The following GALNT13 variants were observed in gnomAD, a reference collection of about 807,000 sequenced individuals.
The protein encoded by GALNT13 is polypeptide N-acetylgalactosaminyltransferase 13.
GALNT13 carries 28 observed loss-of-function variants against 64.2 expected under a neutral mutation model. The ratio of observed to expected loss-of-function variants is 0.44; its 90% CI spans 0.32 to 0.60. GALNT13 has a LOEUF of 0.60. Among genes scored for constraint, GALNT13 ranks in the 20% least tolerant of loss-of-function variants. GALNT13 has a pLI of 0.05. For synonymous variants in GALNT13, 214 were observed against 224.6 expected (o/e 0.95, Z 0.42); for missense variants, 577 against 669.8 (o/e 0.86, Z 1.53).
chr2:153,481,100 G>A, the GALNT13 span, among the ~76,000 whole-genome samples: 1 of 152,072 alleles, frequency 6.6e-6, no homozygotes, highest in Admixed American at 6.5e-5. Context: ...TTGTTGACAA[G>A]GTAATAGGTA....
chr2:153,672,990 C>G, the GALNT13 span, among the ~76,000 whole-genome samples: 1 of 152,104 alleles, frequency 6.6e-6, no homozygotes, highest in South Asian at 2.1e-4. Context: ...CACATACACC[C>G]TCTCAAGACT....
At chr2:153,972,972 C>A (rs1053407236) in intron 3 of GALNT13, among the ~76,000 whole-genome samples, 1 of 151,972 alleles carries the variant, frequency 6.6e-6, no homozygotes, top group Non-Finnish European at 1.5e-5. Context: ...TCTTAGAATT[C>A]ATGTAAGCTA....
At chr2:154,066,737 G>A (rs1323821188) in intron 3 of GALNT13, among the ~76,000 whole-genome samples, 2 of 152,084 alleles carry the variant, frequency 1.3e-5, no homozygotes, top group East Asian at 1.9e-4. Flanking sequence ...ACGAAAGGGA[G>A]TTATTTAATT....
chr2:153,814,731 A>G, the GALNT13 span, among the ~76,000 whole-genome samples: 3 of 152,306 alleles, frequency 2.0e-5, no homozygotes, highest in African/African-American at 7.2e-5. Context: ...TGTTTTCATT[A>G]TGATGCTCCC....
intron 3 of GALNT13, among the ~76,000 whole-genome samples, chr2:154,021,897 A>C (rs1422861632): frequency 6.6e-6 from 1 of 151,682 alleles, no homozygotes; most frequent in East Asian, 1.9e-4. Context: ...ATTTATTGAG[A>C]GTTTTTAGCA....
At chr2:153,087,676 A>G in the GALNT13 span, among the ~76,000 whole-genome samples, 1 of 151,768 alleles carries the variant, frequency 6.6e-6, no homozygotes, top group African/African-American at 2.4e-5. Flanking sequence ...CAGTGTTTTT[A>G]TTCCTTCCTG....
rs151325848 is a variant in GALNT13 at position 153,981,797 on chromosome 2, T to G, written c.142+37158T>G. On this transcript the variant is annotated intron_variant, in intron 3 of 12. Transcript: ENST00000392825. Reference sequence around the variant, plus strand: ...ATCTCCTTTGGCTTTCAGAATTTTTTCTAGCTCATGGTATACAGATCTGTT... The same window carrying G: ...ATCTCCTTTGGCTTTCAGAATTTTTGCTAGCTCATGGTATACAGATCTGTT... 1.1e-3 allele frequency among the ~76,000 whole-genome samples: 173 copies of G among 152,254 alleles called. 2 individuals carry two copies. The highest frequency in any genetic ancestry group is 1.9e-3 in the Non-Finnish European group (131 of 68,010).
chr2:154,048,195 A>G (rs368762542), intron 3 of GALNT13, among the ~76,000 whole-genome samples: 2 of 152,154 alleles, frequency 1.3e-5, no homozygotes, highest in South Asian at 2.1e-4. Flanking sequence ...TCTCATGCTA[A>G]CTCACTATCA....
the GALNT13 span, among the ~76,000 whole-genome samples, chr2:153,306,117 A>C: frequency 6.6e-6 from 1 of 152,132 alleles, no homozygotes; most frequent in Non-Finnish European, 1.5e-5. Flanking sequence ...TATGACCCAC[A>C]TGCTTTGAGA....
chr2:153,483,718 G>C, the GALNT13 span, among the ~76,000 whole-genome samples: 2 of 152,084 alleles, frequency 1.3e-5, no homozygotes, highest in Admixed American at 6.6e-5. Context: ...GCCCGGCCCT[G>C]CCCTGAAATT....
intron 3 of GALNT13, among the ~76,000 whole-genome samples, chr2:154,039,655 T>C (rs1308768272): frequency 7.2e-6 from 1 of 139,400 alleles, no homozygotes; most frequent in Admixed American, 7.2e-5. Context: ...ACCTAATGGA[T>C]GCAGAATTAC....
At chr2:153,398,568 A>T in the GALNT13 span, among the ~76,000 whole-genome samples, 69 of 152,060 alleles carry the variant, frequency 4.5e-4, 1 homozygote, top group African/African-American at 1.3e-3. Flanking sequence ...ATTTCTCCAC[A>T]TCCTCTCCAG....
At chr2:154,002,380 A>T (rs1366820529) in intron 3 of GALNT13, among the ~76,000 whole-genome samples, 6 of 150,594 alleles carry the variant, frequency 4.0e-5, no homozygotes, top group Non-Finnish European at 8.9e-5. Flanking sequence ...TTCTCATTGG[A>T]TAAATTTGTG....
At chr2:153,995,408 G>A (rs1226738521) in intron 3 of GALNT13, among the ~76,000 whole-genome samples, 1 of 152,030 alleles carries the variant, frequency 6.6e-6, no homozygotes, top group Non-Finnish European at 1.5e-5. Flanking sequence ...CCAAAGAAGG[G>A]TTGTATGTAA....
chr2:153,389,220 G>A, the GALNT13 span, among the ~76,000 whole-genome samples: 1 of 152,184 alleles, frequency 6.6e-6, no homozygotes, highest in Non-Finnish European at 1.5e-5. Flanking sequence ...TTTCAGCACA[G>A]CCAATTTGAG....
At chr2:153,534,444 G>C in the GALNT13 span, among the ~76,000 whole-genome samples, 3 of 151,884 alleles carry the variant, frequency 2.0e-5, no homozygotes, top group African/African-American at 7.3e-5. Flanking sequence ...GCTAGAGTGA[G>C]CTGGAATTGG....
intron 8 of GALNT13, chr2:154,287,307 C>T (rs1574021442): frequency 3.0e-6 from 2 of 661,618 alleles, no homozygotes; most frequent in East Asian, 2.9e-5. Context: ...ATGGCGGGGA[C>T]AGTCTGATTG....
At chr2:153,745,432 T>A in the GALNT13 span, among the ~76,000 whole-genome samples, 1 of 152,190 alleles carries the variant, frequency 6.6e-6, no homozygotes. Flanking sequence ...TTAAGCTTAG[T>A]TAGCATTTGG....
chr2:154,171,895 C>T (rs958031445), intron 4 of GALNT13, among the ~76,000 whole-genome samples: 1 of 151,886 alleles, frequency 6.6e-6, no homozygotes, highest in Non-Finnish European at 1.5e-5. Context: ...CTTGCCATCA[C>T]TTGCCATCTC....
Sources: gnomAD v4.1 joint callset for allele counts (sites outside exome capture counted in the v4.1 genomes callset) on GRCh38, gnomAD v4.1.1 for gene constraint, MANE v1.5 for transcripts, NCBI Gene and HGNC (gene_info 2026-07-23, HGNC 2026-07-21) for gene names.